MFSD12: variants seen among roughly 807,000 people sequenced by gnomAD.
MFSD12 encodes major facilitator superfamily domain-containing protein 12.
Under a neutral mutation model 51.2 loss-of-function variants are expected in MFSD12, and 67 were observed. That is an observed-to-expected ratio of 1.31 (90% CI 1.08 to 1.60). The LOEUF (loss-of-function observed/expected upper bound fraction) is 1.60. MFSD12 is among the 40% of genes most tolerant of loss of function. The pLI is 0.00. For synonymous variants in MFSD12, 441 were observed against 316.7 expected, an observed-to-expected ratio of 1.39 and a Z score of -4.17; for missense variants, 921 against 673.0, an observed-to-expected ratio of 1.37 and a Z score of -4.08.
At chr19:3,555,458 G>A (rs1162563730) in intron 1 of MFSD12, among the ~76,000 whole-genome samples, 1 of 152,140 alleles carries the variant, frequency 6.6e-6, no homozygotes, top group East Asian at 1.9e-4. Flanking sequence ...TGATCAAAGA[G>A]GCATTTGGGG....
chr19:3,547,406 G>T (rs757897223), intron 5 of MFSD12, 42 bp from the exon 6 acceptor site: 4 of 1,605,326 alleles, frequency 2.5e-6, no homozygotes, highest in East Asian at 2.3e-5. Flanking sequence ...GTCATGGCTC[G>T]CCAGGCTGGG....
intron 1 of MFSD12, among the ~76,000 whole-genome samples, chr19:3,553,621 T>G (rs1420585075): frequency 1.4e-5 from 2 of 141,928 alleles, no homozygotes; most frequent in Non-Finnish European, 3.0e-5. Context: ...GCAAAAAAAA[T>G]TAGCCGGGCG....
At chr19:3,546,663 G>C (rs1357390816) in intron 6 of MFSD12, among the ~76,000 whole-genome samples, 4 of 152,248 alleles carry the variant, frequency 2.6e-5, no homozygotes, top group Admixed American at 2.6e-4. Context: ...CCTGAGCGCA[G>C]GTCAGTTACA....
chr19:3,545,950 C>T (rs1031138543), intron 8 of MFSD12, 124 bp downstream of exon 8: 30 of 940,098 alleles, frequency 3.2e-5, no homozygotes, highest in Non-Finnish European at 4.2e-5. Flanking sequence ...CTATGACTCC[C>T]ATTGGGGCAG....
downstream of MFSD12, chr19:3,542,665 T>C: frequency 8.7e-7 from 1 of 1,148,248 alleles, no homozygotes; most frequent in Non-Finnish European, 1.1e-6. Context: ...GTATTTTTAG[T>C]AGAGATGGGG....
chr19:3,539,150 G>A, intron 4 of MFSD12: 1 of 1,529,160 alleles, frequency 6.5e-7, no homozygotes, highest in Non-Finnish European at 8.9e-7. Flanking sequence ...GAGGCCTTCT[G>A]GCAGGAGCCC....
In MFSD12 at chr19:3,544,246, G is replaced by T. The variant is rs11555326; in HGVS notation, c.*464C>A. 3.0e-6 allele frequency: 4 copies of T among 1,320,834 alleles called. No homozygotes were observed. Among genetic ancestry groups the T allele is most frequent in the African/African-American group, 1.5e-5 (1 of 66,422 alleles). 81.8% of individuals were successfully genotyped at this position (1,320,834 alleles called of 1,614,324 possible). ...GCCAGCAGAGTCCACCAAGCCTGCC[G>T]GGCAGCCCTGCTGCCCACCACGGTG... On this transcript the variant is annotated 3_prime_UTR_variant, in exon 10 of 10. Coordinates refer to ENST00000355415, the MANE Select transcript of MFSD12 (RefSeq NM_174983.5).
rs1471237241 is a variant in MFSD12 at position 3,551,904 on chromosome 19, G to A, written c.299-710C>T. 1.3e-5 allele frequency among the ~76,000 whole-genome samples: 2 copies of A among 152,084 alleles called. No individual in the cohort carries two copies. Among genetic ancestry groups the A allele is most frequent in the Non-Finnish European group, 2.9e-5 (2 of 68,030 alleles). On this transcript the variant is annotated intron_variant, in intron 1 of 9. Coordinates refer to ENST00000355415, the MANE Select transcript of MFSD12 (RefSeq NM_174983.5). This position sits in a 1 kb window ranked among gnomAD's most constrained non-coding sequence, Gnocchi z 4.6. The stretch of plus-strand genomic sequence containing the variant: ...CAGGACCTCTTCAACATGCCAGGCG[G>A]TCCTGCCCCCGGGCCTTTGCATGGG...
chr19:3,543,936 G>A (rs1244327282), downstream of MFSD12: 1 of 1,551,182 alleles, frequency 6.4e-7, no homozygotes, highest in Admixed American at 2.0e-5. Flanking sequence ...GAACTACCGG[G>A]AGTGGGTCCT....
chr19:3,543,046 GCCTC>G (rs2030560335), downstream of MFSD12: 3 of 1,604,902 alleles, frequency 1.9e-6, no homozygotes, highest in Admixed American at 3.4e-5. Flanking sequence ...GGGGGAGTCA[GCCTC>G]TCTCCTCAAG....
downstream of MFSD12, chr19:3,542,703 G>A (rs544390451): frequency 2.6e-3 from 3,353 of 1,267,426 alleles, 4 homozygotes; most frequent in Non-Finnish European, 3.3e-3. Context: ...GGCTGGTCTC[G>A]AACTCCTGAC....
Position 3,557,202 on chromosome 19 carries a change from C to T in MFSD12, c.202G>A (p.Ala68Thr), listed in dbSNP as rs755426628. 1.8e-5 allele frequency: 29 copies of T among 1,573,066 alleles called. No homozygotes were observed. In the African/African-American group the frequency reaches 3.9e-4, roughly 21 times the overall value. Reference sequence around the variant, plus strand: ...ACGAGCGGTGTGCACAGCCCGTCGGCCACCTGGCCCAGCAGCAGCAGCAGC... The same window carrying T: ...ACGAGCGGTGTGCACAGCCCGTCGGTCACCTGGCCCAGCAGCAGCAGCAGC... ...AGLLLLLGQVADGLCTPLVGY... is the reference protein window; with the variant it reads ...AGLLLLLGQVTDGLCTPLVGY... Residue 68 changes from alanine (A) to threonine (T), a missense_variant, in exon 1 of 10, where the codon GCC becomes ACC. Coordinates refer to ENST00000355415, the MANE Select transcript of MFSD12 (RefSeq NM_174983.5).
rs551129530 is a variant in MFSD12, at chr19:3,545,734, AATGCTGTG to A, written c.1289+332_1289+339del. Among the ~76,000 whole-genome samples the A allele has an allele frequency of 7.4e-4, 112 of 152,322 alleles. 1 individual carries two copies. In the East Asian group the frequency reaches 0.011, roughly 15 times the overall value. On this transcript the variant is annotated intron_variant, in intron 8 of 9. Coordinates refer to ENST00000355415, the MANE Select transcript of MFSD12 (RefSeq NM_174983.5). ...CAGGCCCTGGGCCTCTACAGGCGTG[AATGCTGTG>A]ATGCTGTGGTCTAGAACCATCCATG...
chr19:3,549,723 C>CAAAA (rs5826823), intron 2 of MFSD12, among the ~76,000 whole-genome samples: 2 of 87,436 alleles, frequency 2.3e-5, no homozygotes, highest in Admixed American at 1.2e-4. Flanking sequence ...ACTCTTGTCT[C>CAAAA]AAAAAAAAAA....
rs1006421935 is a variant in MFSD12 at position 3,557,170 on chromosome 19, G to C, written c.234C>G (p.Tyr78Ter). Residue 78 changes from tyrosine (Y) to a stop codon, truncating the protein, a stop_gained, in exon 1 of 10, where the codon TAC becomes TAG. Transcript: ENST00000355415. LOFTEE classifies it high-confidence loss of function. ...ADGLCTPLVGYEADRAASCCA... is the reference protein window; with the variant it reads ...ADGLCTPLVG ...AGCAGCTGGCGGCGCGGTCGGCCTC[G>C]TAGCCCACGAGCGGTGTGCACAGCC... 2.7e-5 allele frequency: 42 copies of C among 1,535,658 alleles called. No individual in the cohort carries two copies. Among genetic ancestry groups the C allele is most frequent in the Non-Finnish European group, 3.7e-5 (42 of 1,143,424 alleles).
At chr19:3,543,933 C>G (rs375213857), downstream of MFSD12, 5 of 1,551,102 alleles carry the variant, frequency 3.2e-6, no homozygotes, top group Admixed American at 2.0e-5. Flanking sequence ...CCAGAACTAC[C>G]GGGAGTGGGT....
chr19:3,538,528 G>A (rs2030085471), exon 5 of MFSD12: 4 of 372,158 alleles, frequency 1.1e-5, no homozygotes, highest in South Asian at 7.8e-5. Flanking sequence ...ATAGAAGTGG[G>A]ATCACAGCGT....
intron 8 of MFSD12, among the ~76,000 whole-genome samples, chr19:3,545,212 G>A (rs1485941236): frequency 6.6e-6 from 1 of 152,134 alleles, no homozygotes; most frequent in African/African-American, 2.4e-5. Flanking sequence ...ACCCGCCCCG[G>A]TCCCAGGCTG....
chr19:3,543,412 C>T, downstream of MFSD12: 1 of 1,548,172 alleles, frequency 6.5e-7, no homozygotes. Flanking sequence ...CCAGCCCCTT[C>T]CGCGAGGCCT....
Sources: gnomAD v4.1 joint callset for allele counts (sites outside exome capture counted in the v4.1 genomes callset) on GRCh38, gnomAD v4.1.1 for gene constraint, Gnocchi (gnomAD v3.1) non-coding constraint, MANE v1.5 for transcripts, NCBI Gene and HGNC (gene_info 2026-07-23, HGNC 2026-07-21) for gene names.